CDKAL1: variants seen among roughly 807,000 people sequenced by gnomAD.
The protein encoded by CDKAL1 is CDKAL1 threonylcarbamoyladenosine tRNA methylthiotransferase.
Under a neutral mutation model 68.2 loss-of-function variants are expected in CDKAL1, and 32 were observed. That is an observed-to-expected ratio of 0.47 (90% CI 0.35 to 0.63). CDKAL1 has a LOEUF of 0.63. CDKAL1 is among the 30% of genes least tolerant of loss of function. CDKAL1 has a pLI of 0.00. For synonymous variants in CDKAL1, 234 were observed against 244.3 expected, an observed-to-expected ratio of 0.96 and a Z score of 0.39; for missense variants, 606 against 696.7, an observed-to-expected ratio of 0.87 and a Z score of 1.47.
intron 12 of CDKAL1, among the ~76,000 whole-genome samples, chr6:21,076,486 C>T (rs1271411902): frequency 6.6e-6 from 1 of 152,132 alleles, no homozygotes; most frequent in East Asian, 1.9e-4. Flanking sequence ...GTAATCCTTA[C>T]GTTTAACAAC....
intron 8 of CDKAL1, among the ~76,000 whole-genome samples, chr6:20,806,225 G>T (rs1347086726): frequency 6.6e-6 from 1 of 152,148 alleles, no homozygotes. Flanking sequence ...TTATTAGTGA[G>T]AACCTGTGGT....
At chr6:20,825,721 C>T (rs1382256482) in intron 8 of CDKAL1, among the ~76,000 whole-genome samples, 1 of 152,044 alleles carries the variant, frequency 6.6e-6, no homozygotes, top group African/African-American at 2.4e-5. Flanking sequence ...AAAATTGTTG[C>T]TAACAATATG....
intron 5 of CDKAL1, among the ~76,000 whole-genome samples, chr6:20,667,483 C>CG (rs71663836): frequency 8.6e-5 from 9 of 104,540 alleles, no homozygotes; most frequent in African/African-American, 1.6e-4. Context: ...TTATTTTACA[C>CG]CCCCCTTCCC....
chr6:21,118,614 A>G (rs1452419439), intron 13 of CDKAL1, among the ~76,000 whole-genome samples: 1 of 152,182 alleles, frequency 6.6e-6, no homozygotes, highest in Non-Finnish European at 1.5e-5. Flanking sequence ...GCACTTTTAA[A>G]CGTATACGTT....
At chr6:20,900,385 T>C (rs1242762917) in intron 9 of CDKAL1, among the ~76,000 whole-genome samples, 1 of 152,256 alleles carries the variant, frequency 6.6e-6, no homozygotes, top group Non-Finnish European at 1.5e-5. Context: ...TCAGTGCTAA[T>C]GATTCTGCTG....
At chr6:21,167,855 A>T (rs1037758398) in intron 13 of CDKAL1, among the ~76,000 whole-genome samples, 1 of 152,214 alleles carries the variant, frequency 6.6e-6, no homozygotes, top group African/African-American at 2.4e-5. Context: ...GTTATAATCT[A>T]TGTCGGAGCT....
At chr6:20,802,090 G>C (rs1472757551) in intron 8 of CDKAL1, among the ~76,000 whole-genome samples, 1 of 152,036 alleles carries the variant, frequency 6.6e-6, no homozygotes, top group Non-Finnish European at 1.5e-5. Flanking sequence ...ACAAGGTTAA[G>C]AGATTGAGAC....
intron 5 of CDKAL1, among the ~76,000 whole-genome samples, chr6:20,719,177 C>A (rs1367384846): frequency 1.3e-5 from 2 of 152,140 alleles, no homozygotes; most frequent in East Asian, 1.9e-4. Context: ...AGTTACCCAG[C>A]CACAGTAGAG....
At chr6:20,809,873 T>A (rs1776722339) in intron 8 of CDKAL1, among the ~76,000 whole-genome samples, 1 of 152,232 alleles carries the variant, frequency 6.6e-6, no homozygotes, top group African/African-American at 2.4e-5. Context: ...TAAGATATTT[T>A]TACTTTTAAG....
intron 8 of CDKAL1, among the ~76,000 whole-genome samples, chr6:20,796,977 G>A (rs1776134951): frequency 6.6e-6 from 1 of 152,188 alleles, no homozygotes; most frequent in Non-Finnish European, 1.5e-5. Flanking sequence ...GTTAGGCAAA[G>A]AGTTCTTAGA....
At chr6:20,976,589 C>G (rs549932906) in intron 10 of CDKAL1, among the ~76,000 whole-genome samples, 1 of 152,288 alleles carries the variant, frequency 6.6e-6, no homozygotes, top group African/African-American at 2.4e-5. Context: ...CAAATGTGCA[C>G]TTGGATGTGA....
At chr6:21,097,985 C>T (rs1198223173) in intron 12 of CDKAL1, among the ~76,000 whole-genome samples, 1 of 152,236 alleles carries the variant, frequency 6.6e-6, no homozygotes, top group African/African-American at 2.4e-5. Context: ...TATGCACTTA[C>T]TGTGTGCCTG....
At chr6:20,589,433 G>A (rs1269968948) in intron 4 of CDKAL1, among the ~76,000 whole-genome samples, 1 of 152,138 alleles carries the variant, frequency 6.6e-6, no homozygotes, top group Non-Finnish European at 1.5e-5. Flanking sequence ...CGCTAGTCTT[G>A]CTGAAAGCCA....
intron 4 of CDKAL1, among the ~76,000 whole-genome samples, chr6:20,642,809 A>G (rs1400716015): frequency 4.6e-5 from 7 of 152,172 alleles, no homozygotes; most frequent in Non-Finnish European, 8.8e-5. Context: ...TGACATGTGT[A>G]CATTGCTACT....
intron 4 of CDKAL1, among the ~76,000 whole-genome samples, chr6:20,624,408 C>G (rs189468057): frequency 6.6e-6 from 1 of 151,696 alleles, no homozygotes; most frequent in Admixed American, 6.6e-5. Context: ...CTTTTTTTCT[C>G]TCCTGAGGAT....
At chr6:20,938,575 A>T (rs887902460) in intron 9 of CDKAL1, among the ~76,000 whole-genome samples, 2 of 151,968 alleles carry the variant, frequency 1.3e-5, no homozygotes, top group African/African-American at 4.8e-5. Context: ...ATGAAATAAT[A>T]TTTTTTTCTC....
intron 7 of CDKAL1, chr6:20,772,761 T>C (rs917181357): frequency 7.9e-5 from 12 of 152,208 alleles, no homozygotes; most frequent in Non-Finnish European, 1.5e-4. Flanking sequence ...GTAGGTACTT[T>C]TTTGTACAGC....
At chr6:21,109,460 A>G (rs1272601088) in intron 13 of CDKAL1, among the ~76,000 whole-genome samples, 3 of 152,224 alleles carry the variant, frequency 2.0e-5, no homozygotes, top group African/African-American at 7.2e-5. Context: ...AGTTGAAAGA[A>G]TTTGAAACAC....
At chr6:20,797,201 C>T (rs1301964839) in intron 8 of CDKAL1, among the ~76,000 whole-genome samples, 2 of 152,064 alleles carry the variant, frequency 1.3e-5, no homozygotes, top group East Asian at 1.9e-4. Context: ...GATTAAAATA[C>T]GGGTAAAAGA....
Sources: gnomAD v4.1 joint callset for allele counts (sites outside exome capture counted in the v4.1 genomes callset) on GRCh38, gnomAD v4.1.1 for gene constraint, MANE v1.5 for transcripts, NCBI Gene and HGNC (gene_info 2026-07-23, HGNC 2026-07-21) for gene names.